SPMIP2: variants seen among roughly 807,000 people sequenced by gnomAD.
SPMIP2 encodes the protein protein SPMIP2.
the SPMIP2 span, among the ~76,000 whole-genome samples, chr4:158,961,715 T>C: frequency 2.5e-3 from 385 of 152,224 alleles, 1 homozygote; most frequent in African/African-American, 9.1e-3. Flanking sequence ...AGAAACATAA[T>C]AACACATCTT....
At chr4:159,002,022 G>C in the SPMIP2 span, among the ~76,000 whole-genome samples, 1 of 152,120 alleles carries the variant, frequency 6.6e-6, no homozygotes, top group Non-Finnish European at 1.5e-5. Context: ...TTTAATAATA[G>C]CCATCCTGAC....
chr4:159,061,090 A>T, the SPMIP2 span, among the ~76,000 whole-genome samples: 9 of 144,396 alleles, frequency 6.2e-5, no homozygotes, highest in Non-Finnish European at 1.3e-4. Flanking sequence ...ATCTCAAAAA[A>T]AAAAATATAT....
chr4:159,016,104 C>T, the SPMIP2 span, among the ~76,000 whole-genome samples: 8 of 152,100 alleles, frequency 5.3e-5, no homozygotes, highest in Admixed American at 2.0e-4. Context: ...AGTTAGAATT[C>T]GTAATTTTAA....
At chr4:159,066,589 TTATATA>T in the SPMIP2 span, among the ~76,000 whole-genome samples, 3,581 of 76,538 alleles carry the variant, frequency 0.047, 142 homozygotes, top group African/African-American at 0.15. Context: ...TGTGTGTATT[TTATATA>T]TATATATATA....
chr4:159,034,907 AAAAC>A, the SPMIP2 span: 20 of 750,320 alleles, frequency 2.7e-5, no homozygotes, highest in Non-Finnish European at 3.6e-5. Flanking sequence ...AAAAACCCAA[AAAAC>A]AAACAAAAAC....
the SPMIP2 span, among the ~76,000 whole-genome samples, chr4:159,065,709 C>T: frequency 2.0e-5 from 3 of 152,100 alleles, no homozygotes; most frequent in Non-Finnish European, 4.4e-5. Context: ...AGAAACATTG[C>T]CTGTTAAATA....
At chr4:158,923,313 G>C in the SPMIP2 span, among the ~76,000 whole-genome samples, 4 of 152,140 alleles carry the variant, frequency 2.6e-5, no homozygotes, top group Non-Finnish European at 5.9e-5. Context: ...TTTTGATAGG[G>C]ACTGCATTGA....
At chr4:159,055,760 A>C in the SPMIP2 span, among the ~76,000 whole-genome samples, 860 of 152,194 alleles carry the variant, frequency 5.7e-3, 8 homozygotes, top group African/African-American at 0.02. Flanking sequence ...AAAAACAAAA[A>C]CACGAAGAGT....
chr4:159,046,479 C>T, the SPMIP2 span, among the ~76,000 whole-genome samples: 1 of 152,196 alleles, frequency 6.6e-6, no homozygotes, highest in Non-Finnish European at 1.5e-5. Flanking sequence ...TCCTCAGCAG[C>T]ACTGGGAGTA....
the SPMIP2 span, among the ~76,000 whole-genome samples, chr4:158,968,221 G>T: frequency 6.6e-6 from 1 of 152,114 alleles, no homozygotes; most frequent in Non-Finnish European, 1.5e-5. Flanking sequence ...TAGAGACAGG[G>T]TTTCACCATG....
the SPMIP2 span, among the ~76,000 whole-genome samples, chr4:159,037,827 C>CACAT: frequency 9.3e-3 from 1,172 of 125,876 alleles, 6 homozygotes; most frequent in East Asian, 0.019. Flanking sequence ...CACACACACA[C>CACAT]ATATATATAT....
chr4:158,895,327 ATTAT>A, the SPMIP2 span, among the ~76,000 whole-genome samples: 1 of 152,238 alleles, frequency 6.6e-6, no homozygotes, highest in Non-Finnish European at 1.5e-5. Context: ...TGTTTACTAA[ATTAT>A]TTATAACAAA....
chr4:158,977,405 T>G, the SPMIP2 span, among the ~76,000 whole-genome samples: 1 of 152,190 alleles, frequency 6.6e-6, no homozygotes, highest in East Asian at 1.9e-4. Context: ...TATTCTCTGA[T>G]AGTAGTTTGT....
At chr4:159,040,416 C>T in the SPMIP2 span, among the ~76,000 whole-genome samples, 1 of 151,912 alleles carries the variant, frequency 6.6e-6, no homozygotes. Flanking sequence ...CGTGATCCGC[C>T]CACCTCGGCC....
chr4:159,028,839 T>TA, the SPMIP2 span, among the ~76,000 whole-genome samples: 1 of 152,170 alleles, frequency 6.6e-6, no homozygotes, highest in Middle Eastern at 3.2e-3. Flanking sequence ...CTCACACCTG[T>TA]AACCCAGCAC....
chr4:159,008,168 CCT>C, the SPMIP2 span, among the ~76,000 whole-genome samples: 4 of 152,304 alleles, frequency 2.6e-5, no homozygotes, highest in African/African-American at 9.6e-5. Flanking sequence ...TACATGCCAG[CCT>C]CTTTCATATA....
At chr4:158,965,131 A>G in the SPMIP2 span, among the ~76,000 whole-genome samples, 1 of 152,174 alleles carries the variant, frequency 6.6e-6, no homozygotes, top group Non-Finnish European at 1.5e-5. Flanking sequence ...GAAACAAAAA[A>G]CGAAACAAAA....
At chr4:158,925,279 T>G in the SPMIP2 span, among the ~76,000 whole-genome samples, 3 of 152,266 alleles carry the variant, frequency 2.0e-5, no homozygotes, top group African/African-American at 7.2e-5. Context: ...GTTTGTATCT[T>G]TCTACGGATT....
At chr4:158,911,147 A>C in the SPMIP2 span, among the ~76,000 whole-genome samples, 2 of 152,136 alleles carry the variant, frequency 1.3e-5, no homozygotes, top group Non-Finnish European at 2.9e-5. Flanking sequence ...ATTGGAAAAC[A>C]ACCCTCTGAG....
Sources: allele counts gnomAD v4.1 joint callset (sites outside exome capture counted in the v4.1 genomes callset), GRCh38; gene constraint gnomAD v4.1.1; transcripts MANE v1.5; gene names NCBI Gene and HGNC (gene_info 2026-07-23, HGNC 2026-07-21).